The following EFNA5 variants were observed in gnomAD, a reference collection of about 807,000 sequenced individuals.
EFNA5 encodes the protein ephrin A5, also known as ephrin-A5.
A neutral mutation model predicts 22.9 loss-of-function variants in EFNA5; 5 were observed. The observed-to-expected ratio is 0.22, with a 90% CI of 0.11 to 0.46. EFNA5 has a LOEUF of 0.46. EFNA5 is among the 20% of genes least tolerant of loss of function. EFNA5 has a pLI of 0.99. For synonymous variants in EFNA5, 113 were observed against 112.2 expected (o/e 1.01, Z -0.04); for missense variants, 237 against 293.3 (o/e 0.81, Z 1.40).
intron 1 of EFNA5, among the ~76,000 whole-genome samples, chr5:107,558,145 C>T (rs56195302): frequency 0.081 from 12,284 of 151,958 alleles, 598 homozygotes; most frequent in South Asian, 0.13. Context: ...AAATCTGAGC[C>T]CCAAAGAGAT....
intron 1 of EFNA5, among the ~76,000 whole-genome samples, chr5:107,535,332 G>A (rs1747905592): frequency 3.3e-5 from 5 of 152,268 alleles, no homozygotes; most frequent in African/African-American, 4.8e-5. Context: ...TAAAAAGTAG[G>A]CAATTTGCCA....
At position 107,465,199 on chromosome 5, in the gene EFNA5, C is replaced by G. The variant is rs536554101; in HGVS notation, c.126-37690G>C. 3.3e-5 allele frequency among the ~76,000 whole-genome samples: 5 copies of G among 152,200 alleles called. No individual in the cohort carries two copies. The East Asian group carries it at 9.7e-4, about 29-fold the overall frequency. On this transcript the variant is annotated intron_variant, in intron 1 of 4. Transcript: ENST00000333274. The stretch of plus-strand genomic sequence containing the variant: ...ACCCAATTTATGACTTACATTACAC[C>G]AGATTTCACCTTCACTTCTTTCCAA...
intron 1 of EFNA5, among the ~76,000 whole-genome samples, chr5:107,509,395 T>A (rs1421961323): frequency 6.6e-6 from 1 of 151,780 alleles, no homozygotes; most frequent in African/African-American, 2.4e-5. Context: ...CTCAGCTCAC[T>A]GCAACCTCTG....
At chr5:107,617,706 G>T (rs563383372) in intron 1 of EFNA5, among the ~76,000 whole-genome samples, 1 of 152,254 alleles carries the variant, frequency 6.6e-6, no homozygotes, top group Non-Finnish European at 1.5e-5. Context: ...CTTCTAGTGG[G>T]AGAACTTGAG....
At chr5:107,546,302 C>T (rs1294225161) in intron 1 of EFNA5, among the ~76,000 whole-genome samples, 1 of 152,136 alleles carries the variant, frequency 6.6e-6, no homozygotes, top group Admixed American at 6.6e-5. Context: ...AGCACATCTG[C>T]TCAGGTGCTG....
chr5:107,426,641 C>T (rs1339438748), intron 2 of EFNA5, among the ~76,000 whole-genome samples: 3 of 152,192 alleles, frequency 2.0e-5, no homozygotes, highest in South Asian at 2.1e-4. Context: ...GCTCACAGGT[C>T]GGAAACTCGC....
intron 1 of EFNA5, among the ~76,000 whole-genome samples, chr5:107,531,984 A>C (rs984000173): frequency 6.6e-6 from 1 of 152,208 alleles, no homozygotes; most frequent in African/African-American, 2.4e-5. Context: ...ACCAGGGGTG[A>C]TGCCTGCCTT....
chr5:107,660,240 GA>G (rs1039040501), intron 1 of EFNA5, among the ~76,000 whole-genome samples: 3 of 118,254 alleles, frequency 2.5e-5, no homozygotes, highest in Non-Finnish European at 5.2e-5. Context: ...AAAAAGACTG[GA>G]ACCTCTGAGA....
chr5:107,458,971 T>C (rs1235283975), intron 1 of EFNA5, among the ~76,000 whole-genome samples: 1 of 152,200 alleles, frequency 6.6e-6, no homozygotes, highest in Admixed American at 6.5e-5. Flanking sequence ...GGCACAAATT[T>C]TGATTTTTGT....
intron 1 of EFNA5, among the ~76,000 whole-genome samples, chr5:107,618,856 T>G (rs1467542367): frequency 6.6e-6 from 1 of 152,192 alleles, no homozygotes; most frequent in Non-Finnish European, 1.5e-5. Context: ...CCTAACTCCT[T>G]CTTAAGGGAT....
At chr5:107,398,180 GC>G (rs1747978699) in intron 2 of EFNA5, among the ~76,000 whole-genome samples, 1 of 152,014 alleles carries the variant, frequency 6.6e-6, no homozygotes, top group Non-Finnish European at 1.5e-5. Context: ...TACATTCATA[GC>G]TTGTACCAAC....
At chr5:107,478,328 T>A (rs774815403) in intron 1 of EFNA5, among the ~76,000 whole-genome samples, 34 of 152,326 alleles carry the variant, frequency 2.2e-4, no homozygotes, top group Admixed American at 6.5e-4. Context: ...CTTGCTCAAA[T>A]TTATCATTAA....
intron 1 of EFNA5, among the ~76,000 whole-genome samples, chr5:107,646,467 A>C (rs545874500): frequency 6.6e-6 from 1 of 152,190 alleles, no homozygotes; most frequent in Non-Finnish European, 1.5e-5. Context: ...ACTGTAAACA[A>C]AAAGAAACCA....
At chr5:107,528,483 A>C (rs114368347) in intron 1 of EFNA5, among the ~76,000 whole-genome samples, 2,179 of 152,348 alleles carry the variant, frequency 0.014, 52 homozygotes, top group African/African-American at 0.049. Context: ...TAAAAATGGA[A>C]GGGTGAAATG....
intron 1 of EFNA5, among the ~76,000 whole-genome samples, chr5:107,635,818 A>C (rs1750361090): frequency 6.6e-6 from 1 of 152,156 alleles, no homozygotes; most frequent in Non-Finnish European, 1.5e-5. Context: ...AGGTTAGTAA[A>C]AGCATTCATC....
At chr5:107,434,937 T>C (rs152609) in intron 1 of EFNA5, among the ~76,000 whole-genome samples, 35,970 of 152,134 alleles carry the variant, frequency 0.24, 4,572 homozygotes, top group East Asian at 0.53. Flanking sequence ...CATTCTGAAA[T>C]TGAAATGTAA....
intron 1 of EFNA5, among the ~76,000 whole-genome samples, chr5:107,622,914 G>A (rs568291371): frequency 6.6e-6 from 1 of 150,740 alleles, no homozygotes; most frequent in Non-Finnish European, 1.5e-5. Flanking sequence ...CCAGCTACTC[G>A]GGAGGCTGAG....
intron 1 of EFNA5, among the ~76,000 whole-genome samples, chr5:107,627,107 T>C (rs1461133541): frequency 6.6e-6 from 1 of 152,230 alleles, no homozygotes; most frequent in Non-Finnish European, 1.5e-5. Flanking sequence ...CTTCTCATAA[T>C]ATTTGAGTGA....
At chr5:107,546,104 G>A (rs189188505) in intron 1 of EFNA5, among the ~76,000 whole-genome samples, 555 of 152,208 alleles carry the variant, frequency 3.6e-3, no homozygotes, top group Middle Eastern at 0.01. Flanking sequence ...TCCCTTAAGC[G>A]ATATCAAAAG....
Sources: allele counts gnomAD v4.1 joint callset (sites outside exome capture counted in the v4.1 genomes callset), GRCh38; gene constraint gnomAD v4.1.1; transcripts MANE v1.5; gene names NCBI Gene and HGNC (gene_info 2026-07-23, HGNC 2026-07-21).